IKZF3: variants seen among roughly 807,000 people sequenced by gnomAD.
IKZF3 encodes IKAROS family zinc finger 3, also known as zinc finger protein Aiolos.
A neutral mutation model predicts 49.0 loss-of-function variants in IKZF3; 10 were observed. That is an observed-to-expected ratio of 0.20 (90% CI 0.13 to 0.35). The LOEUF (loss-of-function observed/expected upper bound fraction) is 0.35. IKZF3 is among the 10% of genes least tolerant of loss of function. The pLI is 1.00. For synonymous variants in IKZF3, 209 were observed against 228.2 expected (o/e 0.92, Z 0.76); for missense variants, 498 against 664.8 (o/e 0.75, Z 2.76).
intron 4 of IKZF3, 110 bp from the exon 5 acceptor site, chr17:39,791,693 A>G (rs2061026130): frequency 8.9e-7 from 1 of 1,122,868 alleles, no homozygotes; most frequent in Admixed American, 2.0e-5. Context: ...TACTGTTCAC[A>G]TTGGGATCAG....
At chr17:39,776,465 G>C (rs2060592170) in intron 7 of IKZF3, among the ~76,000 whole-genome samples, 1 of 152,176 alleles carries the variant, frequency 6.6e-6, no homozygotes, top group Non-Finnish European at 1.5e-5. Context: ...TCTCACCAAG[G>C]GGAGGGAGGA....
chr17:39,827,055 TGG>T (rs1275024704), intron 3 of IKZF3, among the ~76,000 whole-genome samples: 3 of 152,136 alleles, frequency 2.0e-5, no homozygotes, highest in South Asian at 4.2e-4. Context: ...TGGAGTGCAG[TGG>T]TGCAATCTTG....
intron 1 of IKZF3, among the ~76,000 whole-genome samples, chr17:39,844,653 G>A (rs1202438438): frequency 6.8e-6 from 1 of 146,224 alleles, no homozygotes; most frequent in Non-Finnish European, 1.5e-5. Flanking sequence ...TTATTTTTTT[G>A]CTCTTGTTGC....
chr17:39,806,999 C>A (rs906476218), intron 3 of IKZF3, among the ~76,000 whole-genome samples: 2 of 152,166 alleles, frequency 1.3e-5, no homozygotes, highest in African/African-American at 4.8e-5. Flanking sequence ...CTGACAACAA[C>A]CACATGAGTG....
intron 7 of IKZF3, among the ~76,000 whole-genome samples, chr17:39,775,924 CAA>C (rs369139259): frequency 4.4e-4 from 37 of 84,096 alleles, no homozygotes; most frequent in Admixed American, 6.6e-4. Flanking sequence ...AACTCTGTCT[CAA>C]AAAAAAAAAA....
In IKZF3 at chr17:39,766,383, T is replaced by C. The variant is rs769874321; in HGVS notation, c.937A>G (p.Ser313Gly). 1 of 1,614,216 alleles carries C rather than the reference T, an allele frequency of 6.2e-7. No individual in the cohort carries two copies. Among genetic ancestry groups the C allele is most frequent in the Non-Finnish European group, 8.5e-7 (1 of 1,180,042 alleles). ...CGCAGGGCTTCGGCGCCAAGATAGCTGATGGCGTTATTGATGGCTTGGTCC... is the reference window on the plus strand; with the variant it reads ...CGCAGGGCTTCGGCGCCAAGATAGCCGATGGCGTTATTGATGGCTTGGTCC... Reference protein sequence around the residue: ...MMDQAINNAISYLGAEALRPL... With the variant: ...MMDQAINNAIGYLGAEALRPL... Residue 313 changes from serine (S) to glycine (G), a missense_variant, in exon 8 of 8, where the codon AGC (serine) becomes GGC (glycine). Coordinates refer to ENST00000346872, the MANE Select transcript of IKZF3 (RefSeq NM_012481.5).
intron 7 of IKZF3, among the ~76,000 whole-genome samples, chr17:39,774,596 G>T (rs1028673995): frequency 1.1e-4 from 16 of 152,120 alleles, no homozygotes; most frequent in Admixed American, 9.2e-4. Context: ...AATTTAAGGG[G>T]TTTCTTTTAT....
chr17:39,831,969 C>T lies in IKZF3; in HGVS notation c.61+129G>A, dbSNP rs181794036. On this transcript the variant is annotated intron_variant, in intron 2 of 7. Transcript: ENST00000346872. ...TTATTTTTTCATCAGCAACAGACAA[C>T]CATATTTAAAAAAAAACACACACAC... The T allele has an allele frequency of 7.1e-4, 463 of 654,754 alleles. 5 individuals are homozygous for T. The East Asian group carries it at 0.01, about 14-fold the overall frequency. 40.6% of individuals were successfully genotyped at this position (654,754 alleles called of 1,614,324 possible).
intron 3 of IKZF3, among the ~76,000 whole-genome samples, chr17:39,811,448 G>T (rs1163133473): frequency 6.6e-6 from 1 of 151,326 alleles, no homozygotes; most frequent in Non-Finnish European, 1.5e-5. Context: ...AAGGAAGGAA[G>T]AAAGAAAGAA....
At chr17:39,857,138 G>A (rs1459095842) in intron 1 of IKZF3, among the ~76,000 whole-genome samples, 2 of 152,106 alleles carry the variant, frequency 1.3e-5, no homozygotes, top group South Asian at 2.1e-4. Context: ...AGAGATAGAG[G>A]TAGATGACAG....
At chr17:39,792,538 T>C in intron 4 of IKZF3, 135 bp downstream of exon 4, 1 of 868,270 alleles carries the variant, frequency 1.2e-6, no homozygotes, top group South Asian at 1.7e-5. Context: ...TGAACAGCAA[T>C]GCAGAGAGAG....
intron 7 of IKZF3, among the ~76,000 whole-genome samples, chr17:39,766,924 T>C (rs2060308479): frequency 6.6e-6 from 1 of 152,088 alleles, no homozygotes; most frequent in Non-Finnish European, 1.5e-5. Flanking sequence ...TTGCTTTTGC[T>C]TGTTATTTTC....
At chr17:39,768,985 A>C (rs1228957293) in intron 7 of IKZF3, among the ~76,000 whole-genome samples, 1 of 152,228 alleles carries the variant, frequency 6.6e-6, no homozygotes, top group Non-Finnish European at 1.5e-5. Context: ...ATTAGTGTTA[A>C]AGACAACTGG....
chr17:39,832,233 C>A, intron 1 of IKZF3, 82 bp from the exon 2 acceptor site: 2 of 960,608 alleles, frequency 2.1e-6, no homozygotes, highest in Non-Finnish European at 3.3e-6. Flanking sequence ...ATAAGGGATA[C>A]CATTTCGGAA....
At chr17:39,864,040 T>G in intron 1 of IKZF3, 80 bp downstream of exon 1, 1 of 1,561,998 alleles carries the variant, frequency 6.4e-7, no homozygotes, top group South Asian at 1.1e-5. Context: ...AAACTGAGAT[T>G]CAGAAGAAAC....
At chr17:39,791,364 G>T in intron 5 of IKZF3, 52 bp downstream of exon 5, 1 of 1,574,904 alleles carries the variant, frequency 6.3e-7, no homozygotes, top group Non-Finnish European at 8.7e-7. Flanking sequence ...TTCCACACTG[G>T]GCTCTGAGGA....
At position 39,759,554 on chromosome 17, in the gene IKZF3, C is replaced by T. The variant is rs1490420953; in HGVS notation, c.*6236G>A. ...AAGGGAGAGGCACAGTCTTGTGTTA[C>T]TTTACAAGCTCTCAGAAGTTTAAAG... is the stretch of plus-strand genomic sequence containing the variant. On this transcript the variant is annotated 3_prime_UTR_variant, in exon 8 of 8. Transcript: ENST00000346872. 17 of 152,222 alleles carry T rather than the reference C, an allele frequency of 1.1e-4. No homozygotes were observed. The highest frequency in any genetic ancestry group is 1.1e-3 in the Admixed American group (17 of 15,282). The allele number at this position is 152,222 out of a possible 1,614,324, so 9.4% of individuals were successfully genotyped here.
intron 3 of IKZF3, among the ~76,000 whole-genome samples, chr17:39,798,992 T>TGC (rs1297333198): frequency 4.7e-3 from 270 of 57,620 alleles, no homozygotes; most frequent in African/African-American, 0.011. Flanking sequence ...TGTGTGTGTG[T>TGC]GTGCGTGTGT....
intron 3 of IKZF3, among the ~76,000 whole-genome samples, chr17:39,794,287 T>C (rs1051905716): frequency 1.3e-5 from 2 of 152,220 alleles, no homozygotes; most frequent in East Asian, 1.9e-4. Context: ...AGTGGGTTCT[T>C]ACCAACTGTA....
Sources: allele counts gnomAD v4.1 joint callset (sites outside exome capture counted in the v4.1 genomes callset), GRCh38; gene constraint gnomAD v4.1.1; transcripts MANE v1.5; gene names NCBI Gene and HGNC (gene_info 2026-07-23, HGNC 2026-07-21).